Variants in SCN10A observed in about 807,000 individuals in gnomAD.
The protein encoded by SCN10A is sodium channel protein type 10 subunit alpha.
SCN10A carries 162 observed loss-of-function variants against 170.7 expected under a neutral mutation model. That is an observed-to-expected ratio of 0.95 (90% CI 0.84 to 1.08). The LOEUF is 1.08. Ranked by LOEUF, SCN10A falls within the 50% of genes least tolerant of loss-of-function variation. The pLI is 0.00. For missense variants in SCN10A, 2,527 were observed against 2,436.9 expected, an observed-to-expected ratio of 1.04 and a Z score of -0.78; for synonymous variants, 985 against 904.6, an observed-to-expected ratio of 1.09 and a Z score of -1.59.
chr3:38,702,122 G>A lies in SCN10A; in HGVS notation c.4387-13C>T. 1 of 1,531,634 alleles carries A rather than the reference G, an allele frequency of 6.5e-7. No individual in the cohort carries two copies. The highest frequency in any genetic ancestry group is 1.3e-5 in the South Asian group (1 of 75,814). 94.9% of individuals were successfully genotyped at this position (1,531,634 alleles called of 1,614,324 possible). On this transcript the variant is annotated splice_polypyrimidine_tract_variant and intron_variant, in intron 26 of 27. Coordinates refer to ENST00000449082, the MANE Select transcript of SCN10A (RefSeq NM_006514.4). ...CCTGGAACTTGTTCTGAGAAAACAAGAGATAGTGGCATCAGGGCCTTTGGG... is the reference window on the plus strand; with the variant it reads ...CCTGGAACTTGTTCTGAGAAAACAAAAGATAGTGGCATCAGGGCCTTTGGG...
At chr3:38,761,134 C>T (rs2063865055) in intron 7 of SCN10A, 58 bp downstream of exon 7, 2 of 1,348,780 alleles carry the variant, frequency 1.5e-6, no homozygotes, top group Non-Finnish European at 2.1e-6. Context: ...TCCCCTGTCC[C>T]TATATGATAC....
intron 1 of SCN10A, among the ~76,000 whole-genome samples, chr3:38,801,082 C>G (rs2064368241): frequency 6.6e-6 from 1 of 152,098 alleles, no homozygotes; most frequent in Non-Finnish European, 1.5e-5. Context: ...GTGAGGGTCT[C>G]CCTGAGATTA....
Position 38,752,208 on chromosome 3 carries a change from C to G in SCN10A, c.1755+11G>C. ...ACAGCCTGAGGGAGTCTGAAGCATT[C>G]ACAAACTCACCGAGACATCGACAGC... is the stretch of plus-strand genomic sequence containing the variant. On this transcript the variant is annotated intron_variant, in intron 12 of 27. Transcript: ENST00000449082. 1 of 1,501,680 alleles carries G rather than the reference C, an allele frequency of 6.7e-7. No individual in the cohort carries two copies. Among genetic ancestry groups the G allele is most frequent in the Non-Finnish European group, 8.9e-7 (1 of 1,124,270 alleles). The allele number at this position is 1,501,680 out of a possible 1,614,324, so 93.0% of individuals were successfully genotyped here.
chr3:38,742,653 C>G (rs2126015405), intron 13 of SCN10A, 124 bp from the exon 14 acceptor site: 1 of 730,102 alleles, frequency 1.4e-6, no homozygotes, highest in Admixed American at 1.9e-5. Flanking sequence ...GACTTCAGCC[C>G]TCTCTCTGTC....
At chr3:38,749,657 A>C (rs541686252) in intron 13 of SCN10A, among the ~76,000 whole-genome samples, 1 of 152,364 alleles carries the variant, frequency 6.6e-6, no homozygotes, top group African/African-American at 2.4e-5. Flanking sequence ...CAACTGTGTA[A>C]GTTACAACCA....
intron 12 of SCN10A, among the ~76,000 whole-genome samples, chr3:38,751,046 T>C (rs2063741772): frequency 6.6e-6 from 1 of 152,218 alleles, no homozygotes; most frequent in South Asian, 2.1e-4. Flanking sequence ...TGTGTTATCC[T>C]TACCCTCTGG....
chr3:38,800,170 A>G (rs970005372), intron 1 of SCN10A, among the ~76,000 whole-genome samples: 3 of 152,098 alleles, frequency 2.0e-5, no homozygotes, highest in Non-Finnish European at 4.4e-5. Context: ...TACAACAGAC[A>G]TTGATGTTCT....
intron 4 of SCN10A, among the ~76,000 whole-genome samples, chr3:38,780,420 C>T (rs2126048878): frequency 6.6e-6 from 1 of 152,066 alleles, no homozygotes; most frequent in Admixed American, 6.6e-5. Flanking sequence ...ATGTAATAGG[C>T]ATTTTTAAAA....
Position 38,754,026 on chromosome 3 carries a change from G to C in SCN10A, c.1462-1514C>G, listed in dbSNP as rs143708033. ...CCACATGAATGTACCTGGGAAAAGA[G>C]GGAGAGGATGCCTTCCTGAGTGGGC... is the stretch of plus-strand genomic sequence containing the variant. On this transcript the variant is annotated intron_variant, in intron 11 of 27. Coordinates refer to ENST00000449082, the MANE Select transcript of SCN10A (RefSeq NM_006514.4). 4.9e-3 allele frequency among the ~76,000 whole-genome samples: 743 copies of C among 152,324 alleles called. 8 individuals carry two copies. Among genetic ancestry groups the C allele is most frequent in the African/African-American group, 0.017 (690 of 41,574 alleles).
chr3:38,697,560 G>A lies in SCN10A; in HGVS notation c.5660C>T (p.Ala1887Val), dbSNP rs1440748277. The A allele has an allele frequency of 6.2e-7, 1 of 1,614,078 alleles. No homozygotes were observed. The highest frequency in any genetic ancestry group is 8.5e-7 in the Non-Finnish European group (1 of 1,180,044). The part of the protein sequence containing the change: ...PCVPRAEEEA[A>V]SLPDEGFVAF... ...AACAAAACCTTCATCTGGGAGTGAT[G>A]CAGCCTCCTCCTCAGCTCTGGGCAC... The change falls in exon 28 of 28, where the codon GCA becomes GTA. Residue 1887 changes from alanine (A) to valine (V), a missense_variant. Transcript: ENST00000449082.
At chr3:38,735,054 C>T (rs1456693386) in intron 15 of SCN10A, among the ~76,000 whole-genome samples, 2 of 151,376 alleles carry the variant, frequency 1.3e-5, no homozygotes, top group East Asian at 1.9e-4. Flanking sequence ...CCTGTAGTCC[C>T]AGCTACTCAG....
rs1162257637 is a variant in SCN10A, at chr3:38,712,334, T to G, written c.3916A>C (p.Lys1306Gln). 6.2e-7 allele frequency: 1 copy of G among 1,614,026 alleles called. No individual in the cohort carries two copies. The highest frequency in any genetic ancestry group is 8.5e-7 in the Non-Finnish European group (1 of 1,180,030). Residue 1306 changes from lysine (K) to glutamine (Q), a missense_variant, in exon 23 of 28, where the codon AAG (lysine) becomes CAG (glutamine). Physicochemically the swap from Lys to Gln is moderately conservative, Grantham distance 53. Coordinates refer to ENST00000449082, the MANE Select transcript of SCN10A (RefSeq NM_006514.4). ...GTATAGTTGATGCACCTCCAAAACT[T>G]CCCTGCGAAGAGGTTCACACCCATG... Reference protein sequence around the residue: ...SIMGVNLFAGKFWRCINYTDG... With the variant: ...SIMGVNLFAGQFWRCINYTDG...
rs1392691000 is a variant in SCN10A at position 38,702,056 on chromosome 3, G to A, written c.4440C>T (p.Ile1480=). The change falls in exon 27 of 28, where the codon ATC becomes ATT. Residue 1480 remains isoleucine, a synonymous_variant. Coordinates refer to ENST00000449082, the MANE Select transcript of SCN10A (RefSeq NM_006514.4). ...FDIVTRQAFD[I]TIMVLICLNM... ...TGAGGCAGATGAGGACCATGATGGTGATGTCAAAAGCTTGTCTGGTCACGA... is the reference window on the plus strand; with the variant it reads ...TGAGGCAGATGAGGACCATGATGGTAATGTCAAAAGCTTGTCTGGTCACGA... 6 of 1,595,984 alleles carry A rather than the reference G, an allele frequency of 3.8e-6. No individual in the cohort carries two copies. In the South Asian group the frequency reaches 6.8e-5, roughly 18 times the overall value.
chr3:38,761,059 A>G, intron 7 of SCN10A, 133 bp downstream of exon 7: 1 of 727,254 alleles, frequency 1.4e-6, no homozygotes. Flanking sequence ...ACAACTCAAG[A>G]GAACCATTTT....
chr3:38,796,515 T>C (rs1371122096), intron 1 of SCN10A, among the ~76,000 whole-genome samples: 1 of 152,166 alleles, frequency 6.6e-6, no homozygotes, highest in Non-Finnish European at 1.5e-5. Context: ...TCTAAAGCTC[T>C]CCATAGCACT....
chr3:38,777,874 C>A (rs542914501), intron 4 of SCN10A, among the ~76,000 whole-genome samples: 1 of 152,030 alleles, frequency 6.6e-6, no homozygotes, highest in Non-Finnish European at 1.5e-5. Context: ...TATTGGAAGC[C>A]TATCTCATAC....
At chr3:38,775,114 A>G (rs549473092) in intron 4 of SCN10A, among the ~76,000 whole-genome samples, 84 of 152,342 alleles carry the variant, frequency 5.5e-4, no homozygotes, top group African/African-American at 1.8e-3. Context: ...AAAATTTACC[A>G]CTTTCACCAT....
intron 4 of SCN10A, among the ~76,000 whole-genome samples, chr3:38,785,389 C>T (rs2064187025): frequency 6.6e-6 from 1 of 152,104 alleles, no homozygotes; most frequent in Non-Finnish European, 1.5e-5. Flanking sequence ...GGAAAGGATT[C>T]CCTATTTAAT....
chr3:38,701,756 G>A (rs1243875120), intron 27 of SCN10A, 83 bp downstream of exon 27: 9 of 1,350,100 alleles, frequency 6.7e-6, no homozygotes, highest in Non-Finnish European at 8.1e-6. Context: ...AAAGTTGGTT[G>A]GTTATTTCCT....
Sources: gnomAD v4.1 joint callset for allele counts (sites outside exome capture counted in the v4.1 genomes callset) on GRCh38, gnomAD v4.1.1 for gene constraint, MANE v1.5 for transcripts, NCBI Gene and HGNC (gene_info 2026-07-23, HGNC 2026-07-21) for gene names.